Variants in KIF27 observed in about 807,000 individuals in gnomAD.
The protein encoded by KIF27 is kinesin-like protein KIF27.
A neutral mutation model predicts 141.8 loss-of-function variants in KIF27; 84 were observed. The ratio of observed to expected loss-of-function variants is 0.59; its 90% CI spans 0.50 to 0.71. The LOEUF is 0.71. KIF27 is among the 30% of genes least tolerant of loss of function. The pLI is 0.00. For synonymous variants in KIF27, 471 were observed against 569.5 expected, an observed-to-expected ratio of 0.83 and a Z score of 2.46; for missense variants, 1,306 against 1,628.4, an observed-to-expected ratio of 0.80 and a Z score of 3.41.
At chr9:83,921,128 C>T (rs1365663896) in intron 1 of KIF27, among the ~76,000 whole-genome samples, 1 of 146,814 alleles carries the variant, frequency 6.8e-6, no homozygotes, top group East Asian at 2.0e-4. Flanking sequence ...TGCCTCTAGT[C>T]GCTCGCCGGC....
At chr9:83,879,227 A>G (rs1951478487) in intron 11 of KIF27, among the ~76,000 whole-genome samples, 1 of 150,738 alleles carries the variant, frequency 6.6e-6, no homozygotes, top group African/African-American at 2.4e-5. Flanking sequence ...TTTATGTTAT[A>G]TATATTTTAC....
chr9:83,919,953 C>T (rs1956091392), intron 1 of KIF27, among the ~76,000 whole-genome samples: 2 of 151,540 alleles, frequency 1.3e-5, no homozygotes, highest in South Asian at 2.1e-4. Flanking sequence ...ATAATGGGGC[C>T]GGGCACAGTG....
intron 16 of KIF27, among the ~76,000 whole-genome samples, chr9:83,846,915 G>A (rs911787011): frequency 5.9e-5 from 9 of 152,158 alleles, no homozygotes; most frequent in African/African-American, 2.2e-4. Flanking sequence ...TGGCTGGGGT[G>A]ACTGACCTGG....
intron 3 of KIF27, among the ~76,000 whole-genome samples, chr9:83,906,727 A>C (rs1954578781): frequency 7.1e-6 from 1 of 139,934 alleles, no homozygotes; most frequent in Admixed American, 7.5e-5. Flanking sequence ...TGGCTGACAG[A>C]GGTAAGACCC....
At chr9:83,901,089 G>C (rs1175777286) in intron 4 of KIF27, among the ~76,000 whole-genome samples, 1 of 152,090 alleles carries the variant, frequency 6.6e-6, no homozygotes, top group African/African-American at 2.4e-5. Context: ...CTCCCGAGTA[G>C]GTGGGACCAC....
intron 11 of KIF27, among the ~76,000 whole-genome samples, chr9:83,871,479 T>C (rs1950788523): frequency 6.6e-6 from 1 of 152,208 alleles, no homozygotes; most frequent in Non-Finnish European, 1.5e-5. Context: ...GTTATTCTCT[T>C]CTGCCTTTCT....
intron 13 of KIF27, among the ~76,000 whole-genome samples, chr9:83,867,395 T>TATCTATCC (rs1554775955): frequency 2.1e-5 from 3 of 145,828 alleles, no homozygotes; most frequent in South Asian, 4.2e-4. Flanking sequence ...TCTATCTATC[T>TATCTATCC]ATCCATCCAT....
intron 13 of KIF27, chr9:83,863,865 G>T (rs1950144321): frequency 6.6e-6 from 1 of 152,198 alleles, no homozygotes; most frequent in Non-Finnish European, 1.5e-5. Context: ...CCTGTCATTG[G>T]TCTATTCAGA....
At chr9:83,891,897 GTT>G (rs1230506674) in intron 5 of KIF27, among the ~76,000 whole-genome samples, 1 of 152,206 alleles carries the variant, frequency 6.6e-6, no homozygotes, top group African/African-American at 2.4e-5. Context: ...AGGCAGCAGA[GTT>G]TGCAGCAAAG....
intron 11 of KIF27, among the ~76,000 whole-genome samples, chr9:83,878,852 G>T (rs528823937): frequency 6.6e-6 from 1 of 151,976 alleles, no homozygotes; most frequent in South Asian, 2.1e-4. Context: ...GATTGTGAAT[G>T]TAATTAATGC....
chr9:83,899,339 AC>A (rs1390990101), intron 5 of KIF27, among the ~76,000 whole-genome samples: 1 of 152,220 alleles, frequency 6.6e-6, no homozygotes, highest in East Asian at 1.9e-4. Flanking sequence ...TTACCATCCA[AC>A]TCCTAACAAT....
chr9:83,910,828 G>A (rs573332091), intron 2 of KIF27, among the ~76,000 whole-genome samples: 31 of 152,214 alleles, frequency 2.0e-4, no homozygotes, highest in East Asian at 1.9e-4. Context: ...ACAAATAGGC[G>A]TAGGAGGGAC....
chr9:83,911,123 G>T (rs1017071420), intron 2 of KIF27, among the ~76,000 whole-genome samples: 1 of 152,158 alleles, frequency 6.6e-6, no homozygotes, highest in East Asian at 1.9e-4. Context: ...CTGGAGTGCA[G>T]TGGCACAATC....
chr9:83,847,261 G>T (rs34789036), intron 16 of KIF27, among the ~76,000 whole-genome samples: 1 of 152,160 alleles, frequency 6.6e-6, no homozygotes, highest in African/African-American at 2.4e-5. Flanking sequence ...AACTGTCATA[G>T]TTCCTCCTTA....
chr9:83,863,787 C>T (rs1402145722), intron 13 of KIF27: 1 of 152,158 alleles, frequency 6.6e-6, no homozygotes, highest in Admixed American at 6.5e-5. Context: ...TAGAATTCGG[C>T]TGTGAATCCG....
chr9:83,892,931 G>A (rs1443984199), intron 5 of KIF27, among the ~76,000 whole-genome samples: 1 of 152,154 alleles, frequency 6.6e-6, no homozygotes, highest in Admixed American at 6.5e-5. Context: ...GGAGAAATAA[G>A]ACAAATCCAA....
chr9:83,907,627 G>A (rs954874807), intron 3 of KIF27, among the ~76,000 whole-genome samples: 2 of 151,274 alleles, frequency 1.3e-5, no homozygotes, highest in African/African-American at 4.9e-5. Context: ...AGACCTTGAG[G>A]AACACAACAA....
intron 13 of KIF27, among the ~76,000 whole-genome samples, chr9:83,861,399 A>G (rs1220599069): frequency 6.7e-6 from 1 of 150,022 alleles, no homozygotes; most frequent in South Asian, 2.1e-4. Context: ...CTCATTGTTC[A>G]ATTCCCACCT....
At chr9:83,842,510 TAG>T in intron 16 of KIF27, 109 bp from the exon 17 acceptor site, 1 of 1,345,484 alleles carries the variant, frequency 7.4e-7, no homozygotes. Flanking sequence ...TCGCCCAGGC[TAG>T]AGTGCAGTGG....
Sources: allele counts gnomAD v4.1 joint callset (sites outside exome capture counted in the v4.1 genomes callset), GRCh38; gene constraint gnomAD v4.1.1; transcripts MANE v1.5; gene names NCBI Gene and HGNC (gene_info 2026-07-23, HGNC 2026-07-21).